ROBO2: variants seen among roughly 807,000 people sequenced by gnomAD.
ROBO2 encodes roundabout homolog 2.
Under a neutral mutation model 160.8 loss-of-function variants are expected in ROBO2, and 53 were observed. The ratio of observed to expected loss-of-function variants is 0.33; its 90% CI spans 0.26 to 0.41. The LOEUF (loss-of-function observed/expected upper bound fraction) is 0.41. Among genes scored for constraint, ROBO2 ranks in the 10% least tolerant of loss-of-function variants. ROBO2 has a pLI of 1.00. For synonymous variants in ROBO2, 664 were observed against 611.7 expected (o/e 1.09, Z -1.26); for missense variants, 1,577 against 1,722.4 (o/e 0.92, Z 1.49).
intron 3 of ROBO2, among the ~76,000 whole-genome samples, chr3:77,477,992 A>G (rs1373786153): frequency 1.3e-5 from 2 of 151,606 alleles, no homozygotes; most frequent in African/African-American, 4.8e-5. Flanking sequence ...ACGCCCAGCT[A>G]TTTTTTGTAT....
At chr3:76,304,116 G>A (rs555155652) in intron 2 of ROBO2, among the ~76,000 whole-genome samples, 3 of 152,020 alleles carry the variant, frequency 2.0e-5, no homozygotes, top group Non-Finnish European at 4.4e-5. Context: ...ATTTGACCTG[G>A]TACTTATGTA....
intron 2 of ROBO2, among the ~76,000 whole-genome samples, chr3:76,064,633 A>G (rs963836298): frequency 6.6e-6 from 1 of 152,218 alleles, no homozygotes; most frequent in Non-Finnish European, 1.5e-5. Flanking sequence ...TTTAGCAAAT[A>G]TAGGTACATC....
intron 2 of ROBO2, among the ~76,000 whole-genome samples, chr3:75,970,211 C>T (rs1198659688): frequency 6.6e-6 from 1 of 151,450 alleles, no homozygotes; most frequent in Admixed American, 6.6e-5. Context: ...GAAAATGCAC[C>T]TTTCTCTGGA....
At chr3:76,365,953 A>G (rs545963667) in intron 2 of ROBO2, among the ~76,000 whole-genome samples, 3 of 152,128 alleles carry the variant, frequency 2.0e-5, no homozygotes, top group East Asian at 3.9e-4. Flanking sequence ...ATCAGTCTCA[A>G]AGTTCTCACC....
chr3:76,622,235 G>GAAGGAAGA (rs2089186140), intron 2 of ROBO2, among the ~76,000 whole-genome samples: 6 of 44,774 alleles, frequency 1.3e-4, no homozygotes, highest in Non-Finnish European at 2.5e-4. Flanking sequence ...AGGAAGGAAG[G>GAAGGAAGA]AAGAAAGAAA....
chr3:75,940,516 G>A (rs73841028), intron 2 of ROBO2, among the ~76,000 whole-genome samples: 77 of 152,176 alleles, frequency 5.1e-4, no homozygotes, highest in African/African-American at 1.8e-3. Context: ...CTTATCCTGA[G>A]TGTAACATTC....
chr3:76,850,192 ATCTT>A (rs2148528875), intron 2 of ROBO2, among the ~76,000 whole-genome samples: 1 of 152,300 alleles, frequency 6.6e-6, no homozygotes, highest in African/African-American at 2.4e-5. Context: ...AGTTTTCTCT[ATCTT>A]CATCAGCTCT....
At chr3:77,291,134 G>C (rs1475077136) in intron 2 of ROBO2, among the ~76,000 whole-genome samples, 2 of 151,328 alleles carry the variant, frequency 1.3e-5, no homozygotes, top group Non-Finnish European at 2.9e-5. Context: ...CAGACATAAA[G>C]TAAAACTGAT....
chr3:76,624,127 A>T (rs2089439271), intron 2 of ROBO2, among the ~76,000 whole-genome samples: 1 of 152,202 alleles, frequency 6.6e-6, no homozygotes, highest in African/African-American at 2.4e-5. Context: ...TAATTGTGTA[A>T]GAATTAACTG....
chr3:77,226,336 G>A (rs1015701845), intron 2 of ROBO2, among the ~76,000 whole-genome samples: 6 of 151,200 alleles, frequency 4.0e-5, no homozygotes, highest in Admixed American at 6.6e-5. Context: ...TAATGAACAC[G>A]AGAATACAGT....
chr3:76,585,847 C>T (rs1167688394), intron 2 of ROBO2, among the ~76,000 whole-genome samples: 2 of 151,958 alleles, frequency 1.3e-5, no homozygotes, highest in East Asian at 1.9e-4. Context: ...TATGTACATG[C>T]GTATACAGTA....
intron 2 of ROBO2, among the ~76,000 whole-genome samples, chr3:77,404,323 AT>A (rs2076082877): frequency 6.6e-6 from 1 of 152,142 alleles, no homozygotes; most frequent in Non-Finnish European, 1.5e-5. Context: ...GAAACAGATA[AT>A]TTCATGATTA....
chr3:76,575,818 G>A (rs1378371907), intron 2 of ROBO2, among the ~76,000 whole-genome samples: 1 of 152,020 alleles, frequency 6.6e-6, no homozygotes. Context: ...CAGTAAAAGA[G>A]CTAAAGAAAT....
intron 2 of ROBO2, among the ~76,000 whole-genome samples, chr3:76,341,280 G>A (rs1041561454): frequency 2.7e-5 from 4 of 150,172 alleles, no homozygotes; most frequent in African/African-American, 1.0e-4. Flanking sequence ...AGCGATACAG[G>A]TTCCTTGGTC....
intron 2 of ROBO2, among the ~76,000 whole-genome samples, chr3:77,255,148 C>G (rs1253405774): frequency 6.6e-6 from 1 of 152,056 alleles, no homozygotes; most frequent in African/African-American, 2.4e-5. Context: ...TAAGGTTACC[C>G]AGTGAAATAT....
chr3:76,286,536 G>A (rs1382209479), intron 2 of ROBO2, among the ~76,000 whole-genome samples: 1 of 152,162 alleles, frequency 6.6e-6, no homozygotes, highest in Non-Finnish European at 1.5e-5. Flanking sequence ...GGTGAATGAT[G>A]ACCAAAAGGG....
At chr3:77,649,319 G>A (rs1194520578) in exon 26 of ROBO2, 1 of 152,150 alleles carries the variant, frequency 6.6e-6, no homozygotes, top group Non-Finnish European at 1.5e-5. Context: ...AACAGGATTT[G>A]AGTTGAAAGT....
chr3:77,175,333 T>G (rs569754661), intron 2 of ROBO2, among the ~76,000 whole-genome samples: 1 of 152,020 alleles, frequency 6.6e-6, no homozygotes, highest in East Asian at 1.9e-4. Context: ...TTAGTTTGGG[T>G]TTTTGGGTTT....
intron 2 of ROBO2, among the ~76,000 whole-genome samples, chr3:77,239,619 A>T (rs1018174761): frequency 6.6e-6 from 1 of 152,114 alleles, no homozygotes; most frequent in Non-Finnish European, 1.5e-5. Flanking sequence ...GTCCATTTTG[A>T]CAGGGTGCCG....
Sources: gnomAD v4.1 joint callset for allele counts (sites outside exome capture counted in the v4.1 genomes callset) on GRCh38, gnomAD v4.1.1 for gene constraint, MANE v1.5 for transcripts, NCBI Gene and HGNC (gene_info 2026-07-23, HGNC 2026-07-21) for gene names.